Variants in GDNF observed in about 807,000 individuals in gnomAD.
GDNF encodes the protein glial cell line-derived neurotrophic factor.
GDNF carries 5 observed loss-of-function variants against 13.7 expected under a neutral mutation model. The ratio of observed to expected loss-of-function variants is 0.36; its 90% CI spans 0.19 to 0.77. The LOEUF is 0.77. Among genes scored for constraint, GDNF ranks in the 30% least tolerant of loss-of-function variants. The probability of loss-of-function intolerance (pLI) is 0.51; values close to 1 mark genes in which losing one functional copy is unlikely to be tolerated. For missense variants in GDNF, 246 were observed against 274.3 expected (o/e 0.90, Z 0.73); for synonymous variants, 122 against 112.5 (o/e 1.08, Z -0.53).
At chr5:37,834,064 A>G (rs1750612376) in intron 2 of GDNF, among the ~76,000 whole-genome samples, 1 of 152,236 alleles carries the variant, frequency 6.6e-6, no homozygotes, top group South Asian at 2.1e-4. Flanking sequence ...AAGTCTTTCT[A>G]GAACCGGAAC....
chr5:37,836,776 A>G (rs1245925776), intron 1 of GDNF, among the ~76,000 whole-genome samples: 1 of 152,274 alleles, frequency 6.6e-6, no homozygotes, highest in East Asian at 1.9e-4. Flanking sequence ...GCCCGCCAGC[A>G]GGAAGCCACA....
chr5:37,827,122 GC>G (rs1183075853), intron 2 of GDNF, among the ~76,000 whole-genome samples: 5 of 151,632 alleles, frequency 3.3e-5, no homozygotes, highest in Non-Finnish European at 5.9e-5. Context: ...TCAATGTCAT[GC>G]GGGAAAAAAA....
At chr5:37,828,084 T>G (rs1453176556) in intron 2 of GDNF, among the ~76,000 whole-genome samples, 1 of 152,216 alleles carries the variant, frequency 6.6e-6, no homozygotes, top group Non-Finnish European at 1.5e-5. Context: ...GTGACCCAAG[T>G]CTGCTTACGC....
chr5:37,836,293 C>T (rs866939478), intron 1 of GDNF, among the ~76,000 whole-genome samples: 1 of 152,166 alleles, frequency 6.6e-6, no homozygotes, highest in Non-Finnish European at 1.5e-5. Context: ...GCACCCCCGC[C>T]TCCATTCCAG....
intron 2 of GDNF, among the ~76,000 whole-genome samples, chr5:37,829,151 C>T (rs1445554755): frequency 6.6e-6 from 1 of 152,240 alleles, no homozygotes; most frequent in Non-Finnish European, 1.5e-5. Context: ...CTTCTTAGCA[C>T]CTCTTTCTAG....
intron 1 of GDNF, among the ~76,000 whole-genome samples, chr5:37,836,584 A>G (rs1018067129): frequency 6.6e-6 from 1 of 152,170 alleles, no homozygotes; most frequent in African/African-American, 2.4e-5. Flanking sequence ...GACACAGGAA[A>G]ACTGCACCAG....
rs529269970 is a variant in GDNF at position 37,838,224 on chromosome 5, C to T, written c.-27+1283G>A. Reference sequence around the variant, plus strand: ...AAGGGCCAGGTTCCAGGCCCGAGAGCACCCGAATTGCTAGCGGGAAAGGGC... The same window carrying T: ...AAGGGCCAGGTTCCAGGCCCGAGAGTACCCGAATTGCTAGCGGGAAAGGGC... On this transcript the variant is annotated intron_variant, in intron 1 of 2. Coordinates refer to ENST00000326524, the MANE Select transcript of GDNF (RefSeq NM_000514.4). This position sits in a 1 kb window ranked among gnomAD's most constrained non-coding sequence, Gnocchi z 4.1. Among the ~76,000 whole-genome samples, 1 of 152,236 alleles carries T rather than the reference C, an allele frequency of 6.6e-6. No individual in the cohort carries two copies. The highest frequency in any genetic ancestry group is 2.4e-5 in the African/African-American group (1 of 41,544).
At chr5:37,825,087 T>C (rs1462226575) in intron 2 of GDNF, among the ~76,000 whole-genome samples, 3 of 152,150 alleles carry the variant, frequency 2.0e-5, no homozygotes, top group Admixed American at 6.5e-5. Flanking sequence ...CCCATCAAAA[T>C]GCCATCTTAT....
At position 37,815,541 on chromosome 5, in the gene GDNF, C is replaced by T. The variant is rs376098758; in HGVS notation, c.*110G>A. ...CCTCCTCTTCTTCTTCCTCCTCCTCCGCCTCCTTGGTCCTCATCTTCCATT... is the reference window on the plus strand; with the variant it reads ...CCTCCTCTTCTTCTTCCTCCTCCTCTGCCTCCTTGGTCCTCATCTTCCATT... On this transcript the variant is annotated 3_prime_UTR_variant, in exon 3 of 3. Coordinates refer to ENST00000326524, the MANE Select transcript of GDNF (RefSeq NM_000514.4). This position sits in a 1 kb window ranked among gnomAD's most constrained non-coding sequence, Gnocchi z 5.0. 19 of 1,001,312 alleles carry T rather than the reference C, an allele frequency of 1.9e-5. No individual in the cohort carries two copies. The highest frequency in any genetic ancestry group is 1.0e-4 in the African/African-American group (6 of 58,614). 62.0% of individuals were successfully genotyped at this position (1,001,312 alleles called of 1,614,324 possible).
intron 2 of GDNF, among the ~76,000 whole-genome samples, chr5:37,818,210 A>G (rs1454315270): frequency 1.3e-5 from 2 of 152,160 alleles, no homozygotes; most frequent in Non-Finnish European, 1.5e-5. Context: ...GAGGCCTGAT[A>G]TGGTATGGCT....
At chr5:37,835,354 G>A in intron 1 of GDNF, 1 of 935,350 alleles carries the variant, frequency 1.1e-6, no homozygotes, top group Non-Finnish European at 1.5e-6. Context: ...TCCCAACCGG[G>A]CTTCTGGCTA....
At chr5:37,830,310 C>A (rs1419925256) in intron 2 of GDNF, among the ~76,000 whole-genome samples, 1 of 152,228 alleles carries the variant, frequency 6.6e-6, no homozygotes, top group Non-Finnish European at 1.5e-5. Flanking sequence ...TGGTTCCCTC[C>A]TTCCCATGAC....
chr5:37,825,420 A>G (rs781724021), intron 2 of GDNF, among the ~76,000 whole-genome samples: 1 of 152,182 alleles, frequency 6.6e-6, no homozygotes, highest in Non-Finnish European at 1.5e-5. Context: ...AAAACACCCA[A>G]CAGGGTGTTC....
chr5:37,820,910 G>C (rs1160762811), intron 2 of GDNF, among the ~76,000 whole-genome samples: 5 of 151,902 alleles, frequency 3.3e-5, no homozygotes, highest in East Asian at 1.9e-4. Context: ...TAAGCTGAAG[G>C]CTTTTTTTTC....
chr5:37,822,482 G>A (rs1055379436), intron 2 of GDNF, among the ~76,000 whole-genome samples: 1 of 152,198 alleles, frequency 6.6e-6, no homozygotes, highest in African/African-American at 2.4e-5. Flanking sequence ...CTCAGTTTTG[G>A]GATGGGGCAG....
chr5:37,832,113 T>A (rs1750541509), intron 2 of GDNF, among the ~76,000 whole-genome samples: 1 of 152,242 alleles, frequency 6.6e-6, no homozygotes, highest in Non-Finnish European at 1.5e-5. Context: ...GTGTGCAAAC[T>A]GTGTATATTC....
chr5:37,836,162 G>C (rs1244657938), intron 1 of GDNF, among the ~76,000 whole-genome samples: 1 of 151,898 alleles, frequency 6.6e-6, no homozygotes, highest in Non-Finnish European at 1.5e-5. Context: ...CTATCCCCTC[G>C]ACCGGCTCCA....
chr5:37,824,820 C>A (rs1561130873), intron 2 of GDNF, among the ~76,000 whole-genome samples: 1 of 152,194 alleles, frequency 6.6e-6, no homozygotes, highest in Non-Finnish European at 1.5e-5. Flanking sequence ...CAATTACCAG[C>A]TGAGGCAATT....
intron 2 of GDNF, among the ~76,000 whole-genome samples, chr5:37,825,273 A>T (rs1312155575): frequency 1.3e-5 from 2 of 152,192 alleles, no homozygotes; most frequent in Non-Finnish European, 2.9e-5. Flanking sequence ...TTCCTTTGTT[A>T]CTCAGGTTCT....
Sources: gnomAD v4.1 joint callset for allele counts (sites outside exome capture counted in the v4.1 genomes callset) on GRCh38, gnomAD v4.1.1 for gene constraint, Gnocchi (gnomAD v3.1) non-coding constraint, MANE v1.5 for transcripts, NCBI Gene and HGNC (gene_info 2026-07-23, HGNC 2026-07-21) for gene names.